PTP4A2: variants seen among roughly 807,000 people sequenced by gnomAD.
The protein encoded by PTP4A2 is protein tyrosine phosphatase type IVA 2.
In PTP4A2, 2 loss-of-function variants were observed where a neutral mutation model predicts 22.9. The ratio of observed to expected loss-of-function variants is 0.09; its 90% CI spans 0.04 to 0.27. The LOEUF (loss-of-function observed/expected upper bound fraction) is 0.27. Ranked by LOEUF, PTP4A2 falls within the 10% of genes least tolerant of loss-of-function variation. The probability of loss-of-function intolerance (pLI) is 1.00; values close to 1 mark genes in which losing one functional copy is unlikely to be tolerated. For missense variants in PTP4A2, 103 were observed against 205.1 expected, an observed-to-expected ratio of 0.50 and a Z score of 3.04; for synonymous variants, 68 against 69.1, an observed-to-expected ratio of 0.98 and a Z score of 0.08.
chr1:31,921,521 A>G (rs1224112026), intron 1 of PTP4A2: 6 of 152,230 alleles, frequency 3.9e-5, no homozygotes, highest in African/African-American at 1.4e-4. Context: ...GAAGTGACAG[A>G]ATTTTTATTA....
intron 2 of PTP4A2, among the ~76,000 whole-genome samples, chr1:31,916,608 CAT>C (rs1338384000): frequency 6.6e-6 from 1 of 151,988 alleles, no homozygotes; most frequent in Non-Finnish European, 1.5e-5. Flanking sequence ...TAATTAAAGA[CAT>C]ATACAAATAT....
chr1:31,910,196 G>GC, intron 4 of PTP4A2, 84 bp from the exon 5 acceptor site: 2 of 993,712 alleles, frequency 2.0e-6, no homozygotes, highest in African/African-American at 3.2e-5. Context: ...TATTACCAAT[G>GC]CAACGCATGA....
chr1:31,913,419 G>A (rs541593270), intron 3 of PTP4A2, among the ~76,000 whole-genome samples: 1 of 151,966 alleles, frequency 6.6e-6, no homozygotes, highest in South Asian at 2.1e-4. Context: ...TTTTCCTCTG[G>A]GTAGATACCC....
At chr1:31,918,409 C>T (rs147563831) in intron 2 of PTP4A2, among the ~76,000 whole-genome samples, 4 of 152,282 alleles carry the variant, frequency 2.6e-5, no homozygotes, top group Non-Finnish European at 4.4e-5. Context: ...ATTATTACAA[C>T]GAAGTAGTCT....
intron 1 of PTP4A2, chr1:31,932,611 C>T (rs1033587292): frequency 1.3e-5 from 2 of 152,146 alleles, no homozygotes; most frequent in Non-Finnish European, 2.9e-5. Context: ...GGAAAGATTT[C>T]TGTGTCCTGT....
chr1:31,908,137 ATAT>A lies in PTP4A2; in HGVS notation c.*712_*714del, dbSNP rs1557858862. 0.034 allele frequency: 13 copies of A among 384 alleles called. 4 individuals carry two copies. The highest frequency in any genetic ancestry group is 0.056 in the Non-Finnish European group (12 of 214). The allele number at this position is 384 out of a possible 1,614,324, so 0.0% of individuals were successfully genotyped here. ...AAATATATATATATATATATATATT[ATAT>A]TATATATATATATATATATATATAT... On this transcript the variant is annotated 3_prime_UTR_variant, in exon 6 of 6. Transcript: ENST00000647444.
At position 31,907,215 on chromosome 1, in the gene PTP4A2, T is replaced by C. The variant is rs547044385; in HGVS notation, c.*1637A>G. 6.6e-6 allele frequency: 1 copy of C among 152,308 alleles called. No individual in the cohort carries two copies. The highest frequency in any genetic ancestry group is 1.9e-4 in the East Asian group (1 of 5,184). The allele number at this position is 152,308 out of a possible 1,614,324, so 9.4% of individuals were successfully genotyped here. ...GAGGCTTATGGCTCTGCACAGCAAA[T>C]TCCAGCAGGACAAGATGACTTTAAG... On this transcript the variant is annotated 3_prime_UTR_variant, in exon 6 of 6. Transcript: ENST00000647444.
intron 3 of PTP4A2, chr1:31,914,224 G>A (rs776859989): frequency 2.2e-5 from 10 of 454,558 alleles, no homozygotes; most frequent in South Asian, 1.1e-4. Flanking sequence ...ATGCCATCAC[G>A]TCCAGCTAAT....
At chr1:31,930,342 A>G (rs923648308) in intron 1 of PTP4A2, among the ~76,000 whole-genome samples, 1 of 152,180 alleles carries the variant, frequency 6.6e-6, no homozygotes. Flanking sequence ...CATCTCAAAA[A>G]AAAAATAAAA....
At chr1:31,935,308 G>A (rs910723544) in intron 1 of PTP4A2, among the ~76,000 whole-genome samples, 1 of 152,094 alleles carries the variant, frequency 6.6e-6, no homozygotes, top group East Asian at 1.9e-4. Flanking sequence ...GAGTTTCAAG[G>A]CATAATCTCC....
At chr1:31,927,540 G>A (rs757440168) in intron 1 of PTP4A2, among the ~76,000 whole-genome samples, 2 of 152,156 alleles carry the variant, frequency 1.3e-5, no homozygotes, top group Non-Finnish European at 2.9e-5. Context: ...GAGAAAAAAA[G>A]AGTGATAACT....
At chr1:31,922,689 C>T (rs892327776) in intron 1 of PTP4A2, among the ~76,000 whole-genome samples, 20 of 151,306 alleles carry the variant, frequency 1.3e-4, no homozygotes, top group African/African-American at 4.9e-4. Context: ...AGTGCAGTGG[C>T]GCGATCATGG....
Position 31,907,595 on chromosome 1 carries a change from T to C in PTP4A2, c.*1257A>G, listed in dbSNP as rs1301446309. On this transcript the variant is annotated 3_prime_UTR_variant, in exon 6 of 6. Coordinates refer to ENST00000647444, the MANE Select transcript of PTP4A2 (RefSeq NM_080391.4). ...TTTTTTTTAATCTCAAAAAACCTAG[T>C]AATAACAAGGCAATCAGTGGTTAAA... 6.6e-6 allele frequency: 1 copy of C among 151,910 alleles called. No individual in the cohort carries two copies. The highest frequency in any genetic ancestry group is 2.4e-5 in the African/African-American group (1 of 41,326). The allele number at this position is 151,910 out of a possible 1,614,324, so 9.4% of individuals were successfully genotyped here. A position where few individuals can be genotyped will look rare whatever the true frequency, so the allele number is the denominator to read the frequency against.
Position 31,919,098 on chromosome 1 carries a change from AGT to A in PTP4A2, c.-35_-34del. 9.3e-7 allele frequency: 1 copy of A among 1,080,526 alleles called. No homozygotes were observed. The highest frequency in any genetic ancestry group is 1.4e-6 in the Non-Finnish European group (1 of 708,730). 66.9% of individuals were successfully genotyped at this position (1,080,526 alleles called of 1,614,324 possible). A position where few individuals can be genotyped will look rare whatever the true frequency, so the allele number is the denominator to read the frequency against. On this transcript the variant is annotated 5_prime_UTR_variant, in exon 2 of 6. Coordinates refer to ENST00000647444, the MANE Select transcript of PTP4A2 (RefSeq NM_080391.4). Reference sequence around the variant, plus strand: ...AATAAAAAGTGTGAGCGTGCGTGTGAGTGTGATGGGGAAAGTGAAAAAAAAAA... The same window carrying A: ...AATAAAAAGTGTGAGCGTGCGTGTGAGTGATGGGGAAAGTGAAAAAAAAAA...
intron 1 of PTP4A2, among the ~76,000 whole-genome samples, chr1:31,931,970 A>T (rs1652744672): frequency 6.6e-6 from 1 of 152,218 alleles, no homozygotes; most frequent in Non-Finnish European, 1.5e-5. Context: ...TTTGTATATA[A>T]ATCCAATTTA....
At chr1:31,922,529 G>A (rs1652206718) in intron 1 of PTP4A2, among the ~76,000 whole-genome samples, 2 of 152,130 alleles carry the variant, frequency 1.3e-5, no homozygotes, top group Non-Finnish European at 2.9e-5. Context: ...GGTTAAAATG[G>A]CTTAAGTATG....
In PTP4A2 at chr1:31,926,810, G is replaced by A. The variant is rs1174335789; in HGVS notation, c.-593-7152C>T. ...TGCTCTGGAGAAAAATTAGAAGTAGGGGAATTAGCAGTGCCAGAGGGAGGG... is the reference window on the plus strand; with the variant it reads ...TGCTCTGGAGAAAAATTAGAAGTAGAGGAATTAGCAGTGCCAGAGGGAGGG... On this transcript the variant is annotated intron_variant, in intron 1 of 5. Transcript: ENST00000647444. Among the ~76,000 whole-genome samples the A allele has an allele frequency of 2.9e-4, 44 of 152,158 alleles. 1 individual carries two copies. Among genetic ancestry groups the A allele is most frequent in the Admixed American group, 2.9e-3 (44 of 15,268 alleles).
chr1:31,928,045 T>C (rs191638681), intron 1 of PTP4A2, among the ~76,000 whole-genome samples: 67 of 151,714 alleles, frequency 4.4e-4, no homozygotes, highest in Admixed American at 8.5e-4. Context: ...CCAAATCAAG[T>C]AGATAGAACA....
intron 2 of PTP4A2, among the ~76,000 whole-genome samples, chr1:31,918,448 G>C (rs994507335): frequency 6.6e-6 from 1 of 152,162 alleles, no homozygotes; most frequent in Non-Finnish European, 1.5e-5. Flanking sequence ...AAGGTGGTTA[G>C]AATATCTGAA....
Sources: gnomAD v4.1 joint callset for allele counts (sites outside exome capture counted in the v4.1 genomes callset) on GRCh38, gnomAD v4.1.1 for gene constraint, MANE v1.5 for transcripts, NCBI Gene and HGNC (gene_info 2026-07-23, HGNC 2026-07-21) for gene names.